TRIO: variants seen among roughly 807,000 people sequenced by gnomAD.
The protein encoded by TRIO is triple functional domain protein.
A neutral mutation model predicts 351.9 loss-of-function variants in TRIO; 58 were observed. The ratio of observed to expected loss-of-function variants is 0.16; its 90% confidence interval spans 0.13 to 0.21. The LOEUF is 0.21. TRIO is among the 10% of genes least tolerant of loss of function. TRIO has a pLI of 1.00. For missense variants in TRIO, 3,201 were observed against 4,027.8 expected (o/e 0.79, Z 5.56); for synonymous variants, 1,758 against 1,595.7 (o/e 1.10, Z -2.42).
intron 1 of TRIO, among the ~76,000 whole-genome samples, chr5:14,161,470 T>G (rs1788454741): frequency 6.6e-6 from 1 of 152,156 alleles, no homozygotes; most frequent in Non-Finnish European, 1.5e-5. Flanking sequence ...AGAACTGGAT[T>G]CTGGACTGGT....
intron 1 of TRIO, among the ~76,000 whole-genome samples, chr5:14,237,583 C>T (rs991734254): frequency 6.6e-6 from 1 of 152,150 alleles, no homozygotes; most frequent in African/African-American, 2.4e-5. Flanking sequence ...ACACCTGCTG[C>T]GGACAGCAGT....
intron 34 of TRIO, among the ~76,000 whole-genome samples, chr5:14,455,371 A>G (rs573817717): frequency 3.3e-5 from 5 of 152,212 alleles, no homozygotes; most frequent in East Asian, 1.9e-4. Context: ...TGTATTTACA[A>G]TCCTCTAGCT....
At chr5:14,461,766 G>A (rs1271087973) in intron 35 of TRIO, among the ~76,000 whole-genome samples, 1 of 152,232 alleles carries the variant, frequency 6.6e-6, no homozygotes, top group Non-Finnish European at 1.5e-5. Context: ...GGAAGGACTT[G>A]TGGAGTGTTT....
At chr5:14,384,068 A>G (rs1490951175) in intron 21 of TRIO, among the ~76,000 whole-genome samples, 1 of 152,110 alleles carries the variant, frequency 6.6e-6, no homozygotes, top group Non-Finnish European at 1.5e-5. Context: ...TGCAGGCACC[A>G]CCTGCATCCA....
chr5:14,295,087 C>G (rs1351948340), intron 6 of TRIO, among the ~76,000 whole-genome samples: 2 of 152,152 alleles, frequency 1.3e-5, no homozygotes, highest in Non-Finnish European at 2.9e-5. Context: ...TTGAATACCT[C>G]CACGAATCCC....
intron 18 of TRIO, among the ~76,000 whole-genome samples, chr5:14,373,111 G>T (rs1745261231): frequency 6.6e-6 from 1 of 152,174 alleles, no homozygotes; most frequent in Admixed American, 6.5e-5. Flanking sequence ...GAGCTCAGTT[G>T]CTGCACGAGA....
At chr5:14,313,221 G>C (rs1319297382) in intron 8 of TRIO, among the ~76,000 whole-genome samples, 1 of 152,148 alleles carries the variant, frequency 6.6e-6, no homozygotes, top group Admixed American at 6.5e-5. Flanking sequence ...ATTAATCCCT[G>C]CTTATGAATT....
At chr5:14,322,067 T>C (rs1739939333) in intron 9 of TRIO, among the ~76,000 whole-genome samples, 1 of 152,186 alleles carries the variant, frequency 6.6e-6, no homozygotes, top group South Asian at 2.1e-4. Context: ...CTGCAAGTCA[T>C]GGGTGAGTAA....
At chr5:14,283,122 A>T (rs1392720188) in intron 3 of TRIO, among the ~76,000 whole-genome samples, 1 of 152,174 alleles carries the variant, frequency 6.6e-6, no homozygotes, top group Non-Finnish European at 1.5e-5. Context: ...ATCATCAGCA[A>T]ATTACTGGTG....
chr5:14,447,050 G>A (rs1011143946), intron 34 of TRIO, among the ~76,000 whole-genome samples: 1 of 152,160 alleles, frequency 6.6e-6, no homozygotes, highest in Non-Finnish European at 1.5e-5. Flanking sequence ...GGCCAACATG[G>A]TGAAAACCTG....
intron 11 of TRIO, among the ~76,000 whole-genome samples, chr5:14,346,183 A>T (rs1742399161): frequency 6.6e-6 from 1 of 152,202 alleles, no homozygotes; most frequent in Non-Finnish European, 1.5e-5. Context: ...TTGTTGAGGT[A>T]CAAAAATCAG....
At chr5:14,369,990 CTGA>C (rs1276834174) in intron 18 of TRIO, among the ~76,000 whole-genome samples, 1 of 152,190 alleles carries the variant, frequency 6.6e-6, no homozygotes, top group Non-Finnish European at 1.5e-5. Context: ...GTGGCAGTTG[CTGA>C]TACCTACTCA....
Position 14,189,079 on chromosome 5 carries a change from G to C in TRIO, c.157+45197G>C, listed in dbSNP as rs1304636237. Among the ~76,000 whole-genome samples the C allele has an allele frequency of 2.6e-5, 4 of 152,294 alleles. No individual in the cohort carries two copies. The East Asian group carries it at 7.7e-4, about 29-fold the overall frequency. On this transcript the variant is annotated intron_variant, in intron 1 of 56. Transcript: ENST00000344204. ...CTTGAAAAACTCATACAAATTGCCA[G>C]TTTGGTATAAGCGTTAAGGAATCAC...
At chr5:14,456,592 G>T (rs1488817497) in intron 34 of TRIO, among the ~76,000 whole-genome samples, 1 of 152,214 alleles carries the variant, frequency 6.6e-6, no homozygotes, top group Non-Finnish European at 1.5e-5. Context: ...TGGGCAGGGG[G>T]TCTCATGCTC....
chr5:14,503,784 C>T (rs3789157), intron 54 of TRIO, among the ~76,000 whole-genome samples: 43,166 of 152,154 alleles, frequency 0.28, 6,382 homozygotes, highest in Middle Eastern at 0.41. Context: ...CCGCCACAGG[C>T]GCATCTCTGG....
In TRIO at chr5:14,251,769, T is replaced by A. The variant is rs555240216; in HGVS notation, c.158-19056T>A. 2.6e-5 allele frequency among the ~76,000 whole-genome samples: 4 copies of A among 152,188 alleles called. No homozygotes were observed. The East Asian group carries it at 7.7e-4, about 29-fold the overall frequency. On this transcript the variant is annotated intron_variant, in intron 1 of 56. Transcript: ENST00000344204. ...CACCTGCAGAGGGAAGGTGTGAGGA[T>A]GGGGGTGGCCTAAGTAACAGATGAA... is the stretch of plus-strand genomic sequence containing the variant.
chr5:14,453,225 A>G (rs114489182), intron 34 of TRIO, among the ~76,000 whole-genome samples: 2,614 of 152,268 alleles, frequency 0.017, 41 homozygotes, highest in South Asian at 0.055. Flanking sequence ...CAGATCACAG[A>G]TGGCTTTCTC....
chr5:14,144,824 G>GCCCGCGTC (rs891490506), intron 1 of TRIO, among the ~76,000 whole-genome samples: 18 of 151,900 alleles, frequency 1.2e-4, no homozygotes, highest in South Asian at 2.1e-4. Flanking sequence ...CGCGAGCCGG[G>GCCCGCGTC]CCCGCGTCCC....
intron 2 of TRIO, among the ~76,000 whole-genome samples, chr5:14,275,399 G>C (rs1416967579): frequency 6.6e-6 from 1 of 151,868 alleles, no homozygotes. Flanking sequence ...GGAATCATTT[G>C]TTTCATTTTG....
Sources: gnomAD v4.1 joint callset for allele counts (sites outside exome capture counted in the v4.1 genomes callset) on GRCh38, gnomAD v4.1.1 for gene constraint, MANE v1.5 for transcripts, NCBI Gene and HGNC (gene_info 2026-07-23, HGNC 2026-07-21) for gene names.